Variants in EYS observed in about 807,000 individuals in gnomAD.
EYS encodes the protein protein eyes shut homolog.
EYS carries 250 observed loss-of-function variants against 282.1 expected under a neutral mutation model. That is an observed-to-expected ratio of 0.89 (90% confidence interval 0.80 to 0.98). EYS has a LOEUF of 0.98. EYS is among the 50% of genes least tolerant of loss of function. The pLI is 0.00. For missense variants in EYS, 4,016 were observed against 3,709.0 expected (o/e 1.08, Z -2.15); for synonymous variants, 1,355 against 1,282.9 (o/e 1.06, Z -1.20).
chr6:65,125,977 C>T (rs1421610029), intron 12 of EYS, among the ~76,000 whole-genome samples: 3 of 152,010 alleles, frequency 2.0e-5, no homozygotes, highest in African/African-American at 7.2e-5. Flanking sequence ...TGGTTGTATA[C>T]AATGGTTTTA....
intron 31 of EYS, among the ~76,000 whole-genome samples, chr6:64,130,523 G>A (rs1174429239): frequency 6.6e-6 from 1 of 151,998 alleles, no homozygotes; most frequent in Non-Finnish European, 1.5e-5. Context: ...TATACCTAAT[G>A]TTAAATGACG....
At chr6:65,557,214 GCCCA>G (rs1280241361) in intron 2 of EYS, among the ~76,000 whole-genome samples, 1 of 152,092 alleles carries the variant, frequency 6.6e-6, no homozygotes, top group African/African-American at 2.4e-5. Context: ...GGCTTGCTCC[GCCCA>G]CCCAGCCCAG....
chr6:65,133,150 A>T (rs1775928078), intron 12 of EYS, among the ~76,000 whole-genome samples: 1 of 152,060 alleles, frequency 6.6e-6, no homozygotes, highest in Non-Finnish European at 1.5e-5. Flanking sequence ...CAATTTACAG[A>T]TTCAATGCTA....
intron 26 of EYS, among the ~76,000 whole-genome samples, chr6:64,580,487 G>A (rs3898512): frequency 0.1 from 15,373 of 152,184 alleles, 933 homozygotes; most frequent in East Asian, 0.17. Context: ...TATGAGCACT[G>A]AAGTGCAGAG....
chr6:65,003,548 C>T (rs1771536096), intron 13 of EYS, among the ~76,000 whole-genome samples: 1 of 147,270 alleles, frequency 6.8e-6, no homozygotes, highest in Non-Finnish European at 1.5e-5. Flanking sequence ...GTGACCCACA[C>T]CTATTCGCAC....
chr6:64,942,633 A>G (rs1000575518), intron 15 of EYS, among the ~76,000 whole-genome samples: 1 of 151,886 alleles, frequency 6.6e-6, no homozygotes. Context: ...ATGGGTAAAT[A>G]CCTGGTAACA....
At chr6:64,293,489 A>T (rs1350277688) in intron 30 of EYS, among the ~76,000 whole-genome samples, 1 of 152,072 alleles carries the variant, frequency 6.6e-6, no homozygotes, top group East Asian at 1.9e-4. Context: ...ATCACAACAC[A>T]TTCCTTCAGG....
At chr6:64,234,586 C>T (rs189251165) in intron 30 of EYS, among the ~76,000 whole-genome samples, 2 of 152,166 alleles carry the variant, frequency 1.3e-5, no homozygotes, top group East Asian at 3.9e-4. Flanking sequence ...CCCATTTAAA[C>T]AGCATTATTT....
intron 36 of EYS, among the ~76,000 whole-genome samples, chr6:63,851,763 A>C (rs1772257023): frequency 6.6e-6 from 1 of 152,230 alleles, no homozygotes; most frequent in African/African-American, 2.4e-5. Flanking sequence ...TTAAAGAACT[A>C]GAGAAGCAAC....
At chr6:64,068,727 A>G (rs1305530056) in intron 32 of EYS, among the ~76,000 whole-genome samples, 1 of 152,050 alleles carries the variant, frequency 6.6e-6, no homozygotes, top group African/African-American at 2.4e-5. Context: ...TACCTTCTGT[A>G]AGCTTTACTT....
intron 30 of EYS, among the ~76,000 whole-genome samples, chr6:64,261,570 A>G (rs1767591108): frequency 6.6e-6 from 1 of 152,090 alleles, no homozygotes; most frequent in South Asian, 2.1e-4. Context: ...TTTTATTAAC[A>G]TGTAATCAAT....
At chr6:64,353,621 T>G (rs1315151137) in intron 29 of EYS, among the ~76,000 whole-genome samples, 1 of 151,682 alleles carries the variant, frequency 6.6e-6, no homozygotes, top group African/African-American at 2.4e-5. Flanking sequence ...TACTGAAGTG[T>G]AACTATTCCT....
intron 19 of EYS, among the ~76,000 whole-genome samples, chr6:64,858,705 C>T (rs1454139836): frequency 6.6e-6 from 1 of 151,668 alleles, no homozygotes; most frequent in Non-Finnish European, 1.5e-5. Flanking sequence ...TGCAGGATAC[C>T]AATTAAATAA....
chr6:65,701,433 G>A (rs972786477), intron 1 of EYS, among the ~76,000 whole-genome samples: 7 of 152,032 alleles, frequency 4.6e-5, no homozygotes, highest in South Asian at 2.1e-4. Flanking sequence ...CCTCCTTCAC[G>A]CTTGTTCATC....
chr6:64,401,917 G>C (rs945632741), intron 28 of EYS, among the ~76,000 whole-genome samples: 7 of 152,034 alleles, frequency 4.6e-5, no homozygotes, highest in Admixed American at 2.0e-4. Context: ...CGTTCATTTG[G>C]AATTCAAGTC....
intron 30 of EYS, among the ~76,000 whole-genome samples, chr6:64,292,390 A>G (rs1296899628): frequency 6.6e-6 from 1 of 152,192 alleles, no homozygotes; most frequent in Admixed American, 6.5e-5. Context: ...TTAAAAAATA[A>G]TATTATGAAA....
intron 2 of EYS, 53 bp from the exon 3 acceptor site, chr6:65,496,046 T>G (rs1220527986): frequency 6.6e-6 from 1 of 152,278 alleles, no homozygotes; most frequent in African/African-American, 2.4e-5. Flanking sequence ...CATGTAATAT[T>G]TTATATAAAA....
chr6:64,301,357 G>A (rs969099066), intron 30 of EYS, among the ~76,000 whole-genome samples: 2 of 152,098 alleles, frequency 1.3e-5, no homozygotes, highest in Non-Finnish European at 2.9e-5. Context: ...GAAAATCAAG[G>A]AAACAGAACA....
intron 18 of EYS, among the ~76,000 whole-genome samples, chr6:64,899,229 CA>C (rs1166544144): frequency 6.6e-6 from 1 of 151,878 alleles, no homozygotes; most frequent in East Asian, 1.9e-4. Flanking sequence ...TCAGCAAATG[CA>C]AAAGAATGGA....
Sources: gnomAD v4.1 joint callset for allele counts (sites outside exome capture counted in the v4.1 genomes callset) on GRCh38, gnomAD v4.1.1 for gene constraint, MANE v1.5 for transcripts, NCBI Gene and HGNC (gene_info 2026-07-23, HGNC 2026-07-21) for gene names.